The following PCDHA2 variants were observed in gnomAD, a reference collection of about 807,000 sequenced individuals.
PCDHA2 encodes protocadherin alpha-2.
PCDHA2 carries 58 observed loss-of-function variants against 66.0 expected under a neutral mutation model. The observed-to-expected ratio is 0.88, with a 90% CI of 0.71 to 1.09. The LOEUF is 1.09. Among genes scored for constraint, PCDHA2 ranks in the 50% least tolerant of loss-of-function variants. The probability of loss-of-function intolerance (pLI) is 0.00; values close to 1 mark genes in which losing one functional copy is unlikely to be tolerated. For synonymous variants in PCDHA2, 634 were observed against 554.0 expected (o/e 1.14, Z -2.03); for missense variants, 1,267 against 1,242.3 (o/e 1.02, Z -0.30).
chr5:140,836,830 G>T, intron 1 of PCDHA2: 1 of 945,180 alleles, frequency 1.1e-6, no homozygotes, highest in South Asian at 1.8e-5. Context: ...TTTTTTAGTT[G>T]ATAGCTTTAT....
Position 140,967,279 on chromosome 5 carries a change from T to G in PCDHA2, c.2389-11670T>G, listed in dbSNP as rs184476796. The G allele has an allele frequency of 7.8e-5, 126 of 1,613,002 alleles. 1 individual carries two copies. The East Asian group carries it at 2.6e-3, about 34-fold the overall frequency. On this transcript the variant is annotated intron_variant, in intron 1 of 3. Coordinates refer to ENST00000526136, the MANE Select transcript of PCDHA2 (RefSeq NM_018905.3). ...CTGGAGCGCGCTTTCACATAGAGAGTGCGCAGGACCCCGACGTGGGCGCCA... is the reference window on the plus strand; with the variant it reads ...CTGGAGCGCGCTTTCACATAGAGAGGGCGCAGGACCCCGACGTGGGCGCCA...
At chr5:140,956,665 G>A (rs1336658976) in intron 1 of PCDHA2, among the ~76,000 whole-genome samples, 3 of 152,004 alleles carry the variant, frequency 2.0e-5, no homozygotes, top group African/African-American at 7.2e-5. Context: ...TGGCCTTAAA[G>A]GAGTTAGGGA....
In PCDHA2 at chr5:140,968,189, T is replaced by G. The variant is rs181004208; in HGVS notation, c.2389-10760T>G. The G allele has an allele frequency of 2.2e-5, 35 of 1,614,034 alleles. No individual in the cohort carries two copies. The Admixed American group carries it at 4.2e-4, about 19-fold the overall frequency. On this transcript the variant is annotated intron_variant, in intron 1 of 3. Coordinates refer to ENST00000526136, the MANE Select transcript of PCDHA2 (RefSeq NM_018905.3). ...ACCAAGCTTCCTGGAGGACTCCTAT[T>G]CCATCTACATACAGGAGAACAATTT... is the stretch of plus-strand genomic sequence containing the variant.
At chr5:140,943,592 T>C (rs900549060) in intron 1 of PCDHA2, among the ~76,000 whole-genome samples, 2 of 152,152 alleles carry the variant, frequency 1.3e-5, no homozygotes, top group African/African-American at 2.4e-5. Flanking sequence ...TGGGGCTGAA[T>C]TCTAAATATA....
At chr5:140,822,352 C>A in intron 1 of PCDHA2, 1 of 1,614,074 alleles carries the variant, frequency 6.2e-7, no homozygotes, top group Non-Finnish European at 8.5e-7. Context: ...CTTTTTAGAG[C>A]TGGTTTTGAG....
intron 1 of PCDHA2, chr5:140,843,311 A>T: frequency 6.3e-7 from 1 of 1,595,942 alleles, no homozygotes; most frequent in Non-Finnish European, 8.6e-7. Flanking sequence ...CGCCACGGCC[A>T]CGGTTCTGGT....
At chr5:140,882,235 A>G (rs782339930) in intron 1 of PCDHA2, 9 of 1,580,864 alleles carry the variant, frequency 5.7e-6, no homozygotes, top group Admixed American at 1.8e-5. Flanking sequence ...CGTTGTATAT[A>G]TTGCAGATAG....
chr5:140,882,197 G>T, intron 1 of PCDHA2: 2 of 1,521,690 alleles, frequency 1.3e-6, no homozygotes, highest in Non-Finnish European at 1.8e-6. Flanking sequence ...CATAAAAATT[G>T]GGCCTTGAGA....
intron 1 of PCDHA2, among the ~76,000 whole-genome samples, chr5:140,885,900 C>G (rs1387318205): frequency 6.6e-6 from 1 of 152,120 alleles, no homozygotes; most frequent in Non-Finnish European, 1.5e-5. Flanking sequence ...GAAAAGTTCT[C>G]TGTACCTTAT....
chr5:140,897,446 T>G (rs2066114237), intron 1 of PCDHA2, among the ~76,000 whole-genome samples: 1 of 151,576 alleles, frequency 6.6e-6, no homozygotes, highest in South Asian at 2.1e-4. Context: ...GTGTTTGGTT[T>G]TTTGTCCTTG....
chr5:140,852,043 A>G, intron 1 of PCDHA2: 1 of 921,642 alleles, frequency 1.1e-6, no homozygotes, highest in Non-Finnish European at 1.3e-6. Flanking sequence ...AGTTTTTGTT[A>G]TGTGGTTTAT....
intron 1 of PCDHA2, chr5:140,797,615 A>C (rs746311763): frequency 1.0e-5 from 5 of 490,678 alleles, no homozygotes; most frequent in African/African-American, 2.0e-5. Context: ...ACTGAAAAAC[A>C]CCTCAGCAAA....
At chr5:140,984,453 T>C (rs2097104309) in intron 3 of PCDHA2, among the ~76,000 whole-genome samples, 1 of 152,254 alleles carries the variant, frequency 6.6e-6, no homozygotes, top group South Asian at 2.1e-4. Flanking sequence ...CCTTTCTTAC[T>C]GTCCCAGCCC....
chr5:140,965,174 C>CT (rs1213439654), intron 1 of PCDHA2, among the ~76,000 whole-genome samples: 4 of 152,228 alleles, frequency 2.6e-5, no homozygotes, highest in Non-Finnish European at 2.9e-5. Flanking sequence ...TTAGTGAGTG[C>CT]TTTTTTTGCA....
In PCDHA2 at chr5:141,010,365, A is replaced by G; in HGVS notation, c.*428A>G. 6.8e-7 allele frequency: 1 copy of G among 1,480,028 alleles called. No individual in the cohort carries two copies. The highest frequency in any genetic ancestry group is 1.3e-5 in the South Asian group (1 of 75,134). The allele number at this position is 1,480,028 out of a possible 1,614,324, so 91.7% of individuals were successfully genotyped here. On this transcript the variant is annotated 3_prime_UTR_variant, in exon 4 of 4. Coordinates refer to ENST00000526136, the MANE Select transcript of PCDHA2 (RefSeq NM_018905.3). Reference sequence around the variant, plus strand: ...CTGGGTATGTGTGGCTACCGCGGGTATGCGAGTGCCAGATATTGGCTGAGA... The same window carrying G: ...CTGGGTATGTGTGGCTACCGCGGGTGTGCGAGTGCCAGATATTGGCTGAGA...
intron 3 of PCDHA2, among the ~76,000 whole-genome samples, chr5:141,003,559 T>C (rs2098129977): frequency 6.6e-6 from 1 of 152,106 alleles, no homozygotes; most frequent in Admixed American, 6.5e-5. Context: ...GTGATCCACC[T>C]GCCTCAGACT....
chr5:140,883,622 G>A, intron 1 of PCDHA2: 4 of 1,614,004 alleles, frequency 2.5e-6, no homozygotes, highest in Non-Finnish European at 3.4e-6. Context: ...GAACGACAAC[G>A]CGCCGGCGTT....
intron 1 of PCDHA2, among the ~76,000 whole-genome samples, chr5:140,845,293 T>A (rs1779796501): frequency 6.7e-6 from 1 of 149,672 alleles, no homozygotes; most frequent in African/African-American, 2.4e-5. Flanking sequence ...CTATCCTGTC[T>A]ATGTCTACCT....
At chr5:140,884,258 A>G (rs782780491) in intron 1 of PCDHA2, 1 of 1,613,390 alleles carries the variant, frequency 6.2e-7, no homozygotes, top group South Asian at 1.1e-5. Flanking sequence ...GGCCACGGCA[A>G]CGGTGCTGTT....
Sources: allele counts gnomAD v4.1 joint callset (sites outside exome capture counted in the v4.1 genomes callset), GRCh38; gene constraint gnomAD v4.1.1; transcripts MANE v1.5; gene names NCBI Gene and HGNC (gene_info 2026-07-23, HGNC 2026-07-21).